ANKRD12: variants seen among roughly 807,000 people sequenced by gnomAD.
ANKRD12 encodes ankyrin repeat domain 12.
ANKRD12 carries 85 observed loss-of-function variants against 183.4 expected under a neutral mutation model. The ratio of observed to expected loss-of-function variants is 0.46; its 90% CI spans 0.39 to 0.56. The LOEUF is 0.56. Ranked by LOEUF, ANKRD12 falls within the 20% of genes least tolerant of loss-of-function variation. The probability of loss-of-function intolerance (pLI) is 0.00; values close to 1 mark genes in which losing one functional copy is unlikely to be tolerated. For synonymous variants in ANKRD12, 914 were observed against 800.2 expected, an observed-to-expected ratio of 1.14 and a Z score of -2.40; for missense variants, 2,405 against 2,357.1, an observed-to-expected ratio of 1.02 and a Z score of -0.42.
At chr18:9,199,374 A>G (rs1411995268) in intron 3 of ANKRD12, among the ~76,000 whole-genome samples, 2 of 152,200 alleles carry the variant, frequency 1.3e-5, no homozygotes, top group Admixed American at 1.3e-4. Context: ...GTGTATTTAC[A>G]TTTACTGTGT....
At chr18:9,206,086 A>G (rs1354545744) in intron 4 of ANKRD12, among the ~76,000 whole-genome samples, 2 of 152,064 alleles carry the variant, frequency 1.3e-5, no homozygotes, top group Non-Finnish European at 2.9e-5. Context: ...ACCTTGAAAG[A>G]ATGTTGGAGC....
chr18:9,277,428 T>C (rs908633995), intron 11 of ANKRD12, among the ~76,000 whole-genome samples: 3 of 149,632 alleles, frequency 2.0e-5, no homozygotes, highest in African/African-American at 7.4e-5. Flanking sequence ...CCCTGGTTCA[T>C]GCCATTCTCC....
rs142497652 is a variant in ANKRD12 at position 9,204,556 on chromosome 18, A to G, written c.304+12A>G. ...CAGGACATACTCAGGTAATTAGATT[A>G]TCAGGTGTTCCTGTTTAGCCAGTGG... is the stretch of plus-strand genomic sequence containing the variant. On this transcript the variant is annotated intron_variant, in intron 4 of 12. Coordinates refer to ENST00000262126, the MANE Select transcript of ANKRD12 (RefSeq NM_015208.5). The G allele has an allele frequency of 3.2e-6, 5 of 1,553,666 alleles. No individual in the cohort carries two copies. Among genetic ancestry groups the G allele is most frequent in the Non-Finnish European group, 4.4e-6 (5 of 1,141,030 alleles).
intron 10 of ANKRD12, among the ~76,000 whole-genome samples, chr18:9,264,497 A>T (rs1298430229): frequency 3.3e-5 from 5 of 152,106 alleles, no homozygotes. Context: ...TTTGTATATA[A>T]CTTCTTTGGT....
chr18:9,239,168 G>A lies in ANKRD12; in HGVS notation c.944-15043G>A, dbSNP rs117577891. Among the ~76,000 whole-genome samples the A allele has an allele frequency of 2.3e-3, 346 of 152,260 alleles. 2 individuals carry two copies. Among genetic ancestry groups the A allele is most frequent in the South Asian group, 8.3e-3 (40 of 4,822 alleles). On this transcript the variant is annotated intron_variant, in intron 8 of 12. Coordinates refer to ENST00000262126, the MANE Select transcript of ANKRD12 (RefSeq NM_015208.5). ...TTTTAAAGGTAAAAATTGTTTATAT[G>A]ATATGTTAACTGTTATGCTATTCTA...
chr18:9,212,151 G>A (rs2035839459), intron 6 of ANKRD12, among the ~76,000 whole-genome samples: 1 of 152,054 alleles, frequency 6.6e-6, no homozygotes, highest in African/African-American at 2.4e-5. Flanking sequence ...CTGTAAGAGT[G>A]TGGTGTTATT....
At chr18:9,176,654 T>A (rs1264380460) in intron 1 of ANKRD12, among the ~76,000 whole-genome samples, 6 of 152,328 alleles carry the variant, frequency 3.9e-5, no homozygotes, top group Non-Finnish European at 8.8e-5. Context: ...TCTGTACATC[T>A]TCTTTACCCA....
chr18:9,229,966 G>A (rs772118591), intron 8 of ANKRD12, among the ~76,000 whole-genome samples: 72 of 152,146 alleles, frequency 4.7e-4, no homozygotes, highest in Non-Finnish European at 8.2e-4. Context: ...TGGAATCAGG[G>A]TGATGCTGGC....
At chr18:9,178,468 C>T (rs979910494) in intron 1 of ANKRD12, among the ~76,000 whole-genome samples, 11 of 151,646 alleles carry the variant, frequency 7.3e-5, no homozygotes, top group Non-Finnish European at 1.6e-4. Flanking sequence ...ATGTGTAGAT[C>T]TGTTTCTGGA....
At position 9,256,572 on chromosome 18, in the gene ANKRD12, T is replaced by C; in HGVS notation, c.3305T>C (p.Ile1102Thr). The change falls in exon 9 of 13, where the codon ATT becomes ACT. Residue 1102 changes from isoleucine to threonine, a missense_variant. Ile to Thr is a moderately conservative substitution (Grantham distance 89). Coordinates refer to ENST00000262126, the MANE Select transcript of ANKRD12 (RefSeq NM_015208.5). Reference sequence around the variant, plus strand: ...TGGCACAAAAAACATAAGGAAAAAATTAAGCAAAAAGAAAAGGAACGGTTG... The same window carrying C: ...TGGCACAAAAAACATAAGGAAAAAACTAAGCAAAAAGAAAAGGAACGGTTG... ...EQWHKKHKEK[I>T]KQKEKERLRN... is the part of the protein sequence containing the mutation. 6.3e-7 allele frequency: 1 copy of C among 1,595,120 alleles called. No homozygotes were observed. The highest frequency in any genetic ancestry group is 2.2e-5 in the East Asian group (1 of 44,776).
In ANKRD12 at chr18:9,257,837, C is replaced by CA; in HGVS notation, c.4577dup (p.Asn1526LysfsTer7). Reference sequence around the variant, plus strand: ...TAATCAAGAGCCAGGTATTTTACAACAAAAAAATGCAGTTCAGATTATTAG... The same window carrying CA: ...TAATCAAGAGCCAGGTATTTTACAACAAAAAAAATGCAGTTCAGATTATTAG... On this transcript the variant is annotated frameshift_variant, in exon 9 of 13. Coordinates refer to ENST00000262126, the MANE Select transcript of ANKRD12 (RefSeq NM_015208.5). LOFTEE classifies it high-confidence loss of function. 2 of 1,611,008 alleles carry CA rather than the reference C, an allele frequency of 1.2e-6. No homozygotes were observed. Among genetic ancestry groups the CA allele is most frequent in the Non-Finnish European group, 1.7e-6 (2 of 1,179,208 alleles).
intron 8 of ANKRD12, chr18:9,235,946 G>A: frequency 5.0e-6 from 1 of 198,674 alleles, no homozygotes; most frequent in South Asian, 8.4e-5. Context: ...TAGATATTGA[G>A]GGACTTTTTT....
intron 3 of ANKRD12, among the ~76,000 whole-genome samples, chr18:9,204,194 A>G (rs770970260): frequency 6.6e-6 from 1 of 152,224 alleles, no homozygotes; most frequent in Non-Finnish European, 1.5e-5. Flanking sequence ...ATAGCCTCAA[A>G]AAAGATAGTG....
intron 4 of ANKRD12, among the ~76,000 whole-genome samples, chr18:9,205,744 A>AT (rs199987576): frequency 6.6e-6 from 1 of 151,442 alleles, no homozygotes; most frequent in Admixed American, 6.6e-5. Context: ...GTAATGGCAA[A>AT]TTTTTTTTTC....
chr18:9,223,912 A>T (rs79609621), intron 8 of ANKRD12, among the ~76,000 whole-genome samples: 53 of 152,354 alleles, frequency 3.5e-4, no homozygotes, highest in African/African-American at 1.2e-3. Flanking sequence ...TCTTCATTAA[A>T]CTAGGTAAGA....
At chr18:9,185,351 A>G (rs1170452952) in intron 2 of ANKRD12, among the ~76,000 whole-genome samples, 1 of 152,198 alleles carries the variant, frequency 6.6e-6, no homozygotes, top group African/African-American at 2.4e-5. Context: ...GATGAAGAGA[A>G]GTTGGCAGAT....
At chr18:9,182,911 A>G (rs2033802581) in intron 2 of ANKRD12, among the ~76,000 whole-genome samples, 1 of 152,002 alleles carries the variant, frequency 6.6e-6, no homozygotes, top group Non-Finnish European at 1.5e-5. Context: ...TGCTATCCCT[A>G]GTCTCTCCTT....
chr18:9,174,082 C>T (rs553178485), intron 1 of ANKRD12, among the ~76,000 whole-genome samples: 1 of 152,314 alleles, frequency 6.6e-6, no homozygotes, highest in African/African-American at 2.4e-5. Flanking sequence ...AGTCTGGCCA[C>T]GATCTGGCAC....
chr18:9,223,376 C>A (rs190183473), intron 8 of ANKRD12, among the ~76,000 whole-genome samples: 169 of 151,892 alleles, frequency 1.1e-3, no homozygotes, highest in African/African-American at 3.9e-3. Flanking sequence ...GCCTCAGCCT[C>A]CCCCGAGTAG....
Sources: allele counts gnomAD v4.1 joint callset (sites outside exome capture counted in the v4.1 genomes callset), GRCh38; gene constraint gnomAD v4.1.1; transcripts MANE v1.5; gene names NCBI Gene and HGNC (gene_info 2026-07-23, HGNC 2026-07-21).